TAF1A: variants seen among roughly 807,000 people sequenced by gnomAD.
TAF1A encodes the protein TATA-box binding protein associated factor, RNA polymerase I subunit A, also known as TATA box-binding protein-associated factor RNA polymerase I subunit A.
A neutral mutation model predicts 61.6 loss-of-function variants in TAF1A; 42 were observed. That is an observed-to-expected ratio of 0.68 (90% CI 0.53 to 0.88). TAF1A has a LOEUF of 0.88. Among genes scored for constraint, TAF1A ranks in the 40% least tolerant of loss-of-function variants. The pLI is 0.00. For missense variants in TAF1A, 424 were observed against 518.7 expected, an observed-to-expected ratio of 0.82 and a Z score of 1.77; for synonymous variants, 179 against 177.7, an observed-to-expected ratio of 1.01 and a Z score of -0.06.
chr1:222,588,528 C>A lies in TAF1A; in HGVS notation c.36G>T (p.Val12=), dbSNP rs779556447. ...ATGTTTCCACTTCTTCATCATCTGT[C>A]ACAGGCCCTTTTAATTCTTCACTGA... ...SDFSEELKGP[V]TDDEEVETSV... The change falls in exon 2 of 11, where the codon GTG becomes GTT. Residue 12 remains valine (V), a synonymous_variant. Transcript: ENST00000352967. 1.9e-6 allele frequency: 3 copies of A among 1,614,026 alleles called. No homozygotes were observed. In the East Asian group the frequency reaches 6.7e-5, roughly 36 times the overall value.
In TAF1A at chr1:222,558,647, C is replaced by G. The variant is rs759698789; in HGVS notation, c.*13G>C. On this transcript the variant is annotated 3_prime_UTR_variant, in exon 11 of 11. Coordinates refer to ENST00000352967, the MANE Select transcript of TAF1A (RefSeq NM_005681.4). ...CTGTGTAGCTACAACTGTGAAATAA[C>G]TAAAATTCAGTATCAGAGTCTTGGA... The G allele has an allele frequency of 7.1e-7, 1 of 1,414,544 alleles. No individual in the cohort carries two copies. Among genetic ancestry groups the G allele is most frequent in the Middle Eastern group, 1.9e-4 (1 of 5,352 alleles). The allele number at this position is 1,414,544 out of a possible 1,614,324, so 87.6% of individuals were successfully genotyped here. A position where few individuals can be genotyped will look rare whatever the true frequency, so the allele number is the denominator to read the frequency against.
In TAF1A at chr1:222,569,570, G is replaced by GTC; in HGVS notation, c.833_834insGA (p.Tyr278Ter). The GTC allele has an allele frequency of 6.2e-7, 1 of 1,614,042 alleles. No homozygotes were observed. Among genetic ancestry groups the GTC allele is most frequent in the South Asian group, 1.1e-5 (1 of 91,074 alleles). ...TCTGTCTCTTTAGAAAGTTGTATAA[G>GTC]TAGATATGGGCATTTGGATTTGATG... ...KFPSNPNAHI[Y>*]LYNFLKRQKA... Residue 278 changes from tyrosine (Y) to a stop codon, truncating the protein, a stop_gained and frameshift_variant, in exon 7 of 11, where the codon TAC becomes TAGAC. Transcript: ENST00000352967. LOFTEE classifies it high-confidence loss of function.
At chr1:222,574,064 CA>C (rs1558148288) in intron 5 of TAF1A, among the ~76,000 whole-genome samples, 3 of 151,714 alleles carry the variant, frequency 2.0e-5, no homozygotes, top group Non-Finnish European at 4.4e-5. Context: ...CCAGAACAGG[CA>C]AATCTCTAGA....
intron 3 of TAF1A, among the ~76,000 whole-genome samples, chr1:222,582,264 T>C (rs1178067922): frequency 6.6e-6 from 1 of 152,198 alleles, no homozygotes; most frequent in East Asian, 1.9e-4. Context: ...AATTATGACT[T>C]TGGCTTTTAC....
At chr1:222,561,593 A>G in intron 9 of TAF1A, 75 bp from the exon 10 acceptor site, 1 of 1,344,696 alleles carries the variant, frequency 7.4e-7, no homozygotes, top group Non-Finnish European at 1.0e-6. Flanking sequence ...AGACTTAACT[A>G]GAGTCTACAG....
At chr1:222,573,103 T>A (rs1010757748) in intron 5 of TAF1A, among the ~76,000 whole-genome samples, 4 of 152,062 alleles carry the variant, frequency 2.6e-5, no homozygotes, top group Non-Finnish European at 5.9e-5. Flanking sequence ...ACCCCATTTC[T>A]ACTAAAAACA....
intron 9 of TAF1A, 90 bp downstream of exon 9, chr1:222,563,083 T>A: frequency 8.0e-7 from 1 of 1,250,128 alleles, no homozygotes; most frequent in South Asian, 1.5e-5. Context: ...TTATAAAACA[T>A]AAGCAAAGAT....
chr1:222,559,129 T>C (rs113366494), intron 10 of TAF1A, among the ~76,000 whole-genome samples: 5 of 152,330 alleles, frequency 3.3e-5, no homozygotes, highest in African/African-American at 1.2e-4. Flanking sequence ...AGGCATATTA[T>C]ATACAGTCAC....
At chr1:222,574,645 T>TA (rs1164022096) in intron 5 of TAF1A, among the ~76,000 whole-genome samples, 2 of 152,102 alleles carry the variant, frequency 1.3e-5, no homozygotes, top group Non-Finnish European at 2.9e-5. Flanking sequence ...TTTATAACCA[T>TA]AAAAAATGAA....
At position 222,561,346 on chromosome 1, in the gene TAF1A, C is replaced by A; in HGVS notation, c.1240+18G>T. 1 of 1,588,560 alleles carries A rather than the reference C, an allele frequency of 6.3e-7. No individual in the cohort carries two copies. Among genetic ancestry groups the A allele is most frequent in the South Asian group, 1.2e-5 (1 of 85,878 alleles). On this transcript the variant is annotated intron_variant, in intron 10 of 10. Coordinates refer to ENST00000352967, the MANE Select transcript of TAF1A (RefSeq NM_005681.4). ...CAGCCAAAGCTGTGTCTAGATAAAA[C>A]GAAAATAAAAACTGTACCTTTTCCT...
At chr1:222,580,344 A>G (rs1239909583) in intron 3 of TAF1A, among the ~76,000 whole-genome samples, 1 of 152,222 alleles carries the variant, frequency 6.6e-6, no homozygotes, top group Non-Finnish European at 1.5e-5. Context: ...TATATTTAGA[A>G]TGCCAATTTA....
intron 10 of TAF1A, among the ~76,000 whole-genome samples, chr1:222,559,121 G>T (rs1343137461): frequency 2.0e-5 from 3 of 152,106 alleles, no homozygotes; most frequent in South Asian, 2.1e-4. Flanking sequence ...ATGGTGACAG[G>T]CATATTATAT....
Position 222,586,838 on chromosome 1 carries a change from GT to G in TAF1A, c.121+1604del, listed in dbSNP as rs1296877696. Among the ~76,000 whole-genome samples, 37 of 152,298 alleles carry G rather than the reference GT, an allele frequency of 2.4e-4. No individual in the cohort carries two copies. The South Asian group carries it at 7.5e-3, about 31-fold the overall frequency. ...AATAGAACAATTGTTAGGCAATTTT[GT>G]TTTCCTATTATGGTTAATTACCAGC... On this transcript the variant is annotated intron_variant, in intron 2 of 10. Coordinates refer to ENST00000352967, the MANE Select transcript of TAF1A (RefSeq NM_005681.4).
intron 3 of TAF1A, among the ~76,000 whole-genome samples, chr1:222,581,877 T>A (rs1175054676): frequency 2.0e-5 from 3 of 152,220 alleles, no homozygotes; most frequent in Non-Finnish European, 4.4e-5. Context: ...GTATCCCTTA[T>A]CTGAAATCGT....
chr1:222,554,250 A>G (rs142459323), downstream of TAF1A, among the ~76,000 whole-genome samples: 16 of 152,330 alleles, frequency 1.1e-4, 1 homozygote, highest in Non-Finnish European at 1.3e-4. Context: ...TAATTAAACA[A>G]CTGGCAGTGG....
intron 8 of TAF1A, 118 bp from the exon 9 acceptor site, chr1:222,563,414 T>TGTATAC: frequency 9.0e-7 from 1 of 1,111,786 alleles, no homozygotes; most frequent in Non-Finnish European, 1.3e-6. Context: ...GTTGATAAAA[T>TGTATAC]ACTGAATCAT....
chr1:222,561,645 T>C (rs1338902427), intron 9 of TAF1A, 127 bp from the exon 10 acceptor site: 3 of 913,184 alleles, frequency 3.3e-6, no homozygotes, highest in Non-Finnish European at 4.8e-6. Context: ...ATTCTCAATA[T>C]GGCCAAGGCA....
At chr1:222,560,883 C>T (rs1659885830) in intron 10 of TAF1A, among the ~76,000 whole-genome samples, 1 of 152,134 alleles carries the variant, frequency 6.6e-6, no homozygotes, top group South Asian at 2.1e-4. Flanking sequence ...AAGAAAAAAT[C>T]AATATCCCTT....
intron 10 of TAF1A, among the ~76,000 whole-genome samples, chr1:222,560,504 C>T (rs1256863405): frequency 6.6e-6 from 1 of 152,134 alleles, no homozygotes; most frequent in African/African-American, 2.4e-5. Flanking sequence ...CTCAAAGAGA[C>T]CTCTTGATAA....
Sources: gnomAD v4.1 joint callset for allele counts (sites outside exome capture counted in the v4.1 genomes callset) on GRCh38, gnomAD v4.1.1 for gene constraint, MANE v1.5 for transcripts, NCBI Gene and HGNC (gene_info 2026-07-23, HGNC 2026-07-21) for gene names.